Variants in FAT4 observed in about 807,000 individuals in gnomAD.
FAT4 encodes the protein protocadherin Fat 4.
FAT4 carries 84 observed loss-of-function variants against 303.9 expected under a neutral mutation model. The observed-to-expected ratio is 0.28, with a 90% CI of 0.23 to 0.33. The LOEUF (loss-of-function observed/expected upper bound fraction) is 0.33. Among genes scored for constraint, FAT4 ranks in the 10% least tolerant of loss-of-function variants. The pLI, the probability that FAT4 is intolerant of heterozygous loss-of-function variation, is 1.00. For missense variants in FAT4, 6,005 were observed against 6,146.8 expected (o/e 0.98, Z 0.77); for synonymous variants, 2,307 against 2,298.8 (o/e 1.00, Z -0.10).
chr4:125,357,382 C>A (rs1732473784), intron 2 of FAT4, among the ~76,000 whole-genome samples: 2 of 151,846 alleles, frequency 1.3e-5, no homozygotes, highest in African/African-American at 4.8e-5. Context: ...TCTTGTAGAG[C>A]AAAAAGACCT....
At chr4:125,393,561 G>T (rs1442077606) in intron 2 of FAT4, among the ~76,000 whole-genome samples, 1 of 152,068 alleles carries the variant, frequency 6.6e-6, no homozygotes, top group Non-Finnish European at 1.5e-5. Flanking sequence ...CATTCTTGAT[G>T]TAGAGCAAAA....
intron 2 of FAT4, chr4:125,394,003 T>C (rs760411441): frequency 3.1e-5 from 24 of 779,994 alleles, no homozygotes; most frequent in Admixed American, 5.1e-5. Context: ...GAAGTGTTTA[T>C]TGTAAGTCAA....
intron 7 of FAT4, among the ~76,000 whole-genome samples, chr4:125,422,749 A>T (rs112239700): frequency 1.1e-4 from 17 of 152,298 alleles, no homozygotes; most frequent in African/African-American, 3.8e-4. Context: ...AAAAATACCA[A>T]AGTGACTTTG....
intron 7 of FAT4, among the ~76,000 whole-genome samples, chr4:125,426,891 A>G (rs1725105375): frequency 6.6e-6 from 1 of 151,998 alleles, no homozygotes; most frequent in Non-Finnish European, 1.5e-5. Flanking sequence ...CAAAACCAAC[A>G]TGATTTCATT....
In FAT4 at chr4:125,491,815, C is replaced by A; in HGVS notation, c.*47C>A. 3 of 1,506,102 alleles carry A rather than the reference C, an allele frequency of 2.0e-6. No homozygotes were observed. Among genetic ancestry groups the A allele is most frequent in the South Asian group, 2.7e-5 (2 of 73,298 alleles). 93.3% of individuals were successfully genotyped at this position (1,506,102 alleles called of 1,614,324 possible). A position where few individuals can be genotyped will look rare whatever the true frequency, so the allele number is the denominator to read the frequency against. On this transcript the variant is annotated 3_prime_UTR_variant, in exon 18 of 18. Transcript: ENST00000394329. ...AAATATAAAAACAAGAAATAATACTCAAACCATTGTAAAGTTGCTGACTAG... is the reference window on the plus strand; with the variant it reads ...AAATATAAAAACAAGAAATAATACTAAAACCATTGTAAAGTTGCTGACTAG...
chr4:125,445,676 G>C (rs1725801237), intron 8 of FAT4, among the ~76,000 whole-genome samples: 1 of 151,974 alleles, frequency 6.6e-6, no homozygotes, highest in Non-Finnish European at 1.5e-5. Context: ...AACCTATCTG[G>C]TTAGCATCAA....
rs193198480 is a variant in FAT4, at chr4:125,432,945, C to G, written c.7019-1300C>G. Among the ~76,000 whole-genome samples, 500 of 152,194 alleles carry G rather than the reference C, an allele frequency of 3.3e-3. 3 individuals are homozygous for G. The highest frequency in any genetic ancestry group is 0.012 in the African/African-American group (481 of 41,528). On this transcript the variant is annotated intron_variant, in intron 7 of 17. Coordinates refer to ENST00000394329, the MANE Select transcript of FAT4 (RefSeq NM_001291303.3). ...GGGTATACACATTCTTTCATCTAAC[C>G]TAGAATTCACAAAAATAACAGATCT...
chr4:125,437,637 GT>G (rs899613912), intron 8 of FAT4, among the ~76,000 whole-genome samples: 4 of 152,092 alleles, frequency 2.6e-5, no homozygotes, highest in Non-Finnish European at 4.4e-5. Flanking sequence ...CTTCTTCCAG[GT>G]TATGAGCTTC....
intron 16 of FAT4, among the ~76,000 whole-genome samples, chr4:125,485,403 A>G (rs879668233): frequency 7.2e-5 from 11 of 152,082 alleles, no homozygotes; most frequent in Admixed American, 5.9e-4. Flanking sequence ...TTCTATTTTA[A>G]AAGTTTTTTA....
chr4:125,473,495 T>G (rs1027562280), intron 12 of FAT4, among the ~76,000 whole-genome samples: 4 of 152,074 alleles, frequency 2.6e-5, no homozygotes, highest in Non-Finnish European at 5.9e-5. Context: ...ATGATTGATG[T>G]AACCAGAAAT....
At chr4:125,426,956 A>T (rs6534480) in intron 7 of FAT4, among the ~76,000 whole-genome samples, 150,930 of 151,980 alleles carry the variant, frequency 0.99, 74,949 homozygotes, top group Middle Eastern at 1. Context: ...TTTGAAACAA[A>T]CCTTTTTTAA....
chr4:125,407,220 TAATC>T (rs1734653334), intron 4 of FAT4, 79 bp downstream of exon 4: 1 of 1,285,782 alleles, frequency 7.8e-7, no homozygotes, highest in South Asian at 1.4e-5. Flanking sequence ...CGGCTGCTCT[TAATC>T]AATGATTAGT....
chr4:125,431,285 A>T (rs879628820), intron 7 of FAT4, among the ~76,000 whole-genome samples: 2 of 152,194 alleles, frequency 1.3e-5, no homozygotes, highest in African/African-American at 2.4e-5. Context: ...ATCTCACTGT[A>T]AGTCTTAAAA....
At chr4:125,379,228 G>A (rs554510917) in intron 2 of FAT4, among the ~76,000 whole-genome samples, 3 of 151,020 alleles carry the variant, frequency 2.0e-5, no homozygotes, top group Non-Finnish European at 2.9e-5. Flanking sequence ...AAATTAACAT[G>A]CGGAACAATC....
chr4:125,317,233 G>A lies in FAT4; in HGVS notation c.822G>A (p.Ala274=). ...GTTCCAGCGTCCTCCAGGTGGCGGC[G>A]GCGGACGCGGACGAGGGCACCAACG... is the stretch of plus-strand genomic sequence containing the variant. ...VVGSSVLQVA[A]ADADEGTNAD... The change falls in exon 2 of 18, where the codon GCG becomes GCA. Residue 274 remains alanine, a synonymous_variant. Coordinates refer to ENST00000394329, the MANE Select transcript of FAT4 (RefSeq NM_001291303.3). This position sits in a 1 kb window ranked among gnomAD's most constrained non-coding sequence, Gnocchi z 7.0. 1.3e-6 allele frequency: 2 copies of A among 1,579,956 alleles called. No individual in the cohort carries two copies. The highest frequency in any genetic ancestry group is 1.7e-6 in the Non-Finnish European group (2 of 1,160,426).
At chr4:125,489,537 T>C (rs2126095479) in intron 17 of FAT4, among the ~76,000 whole-genome samples, 1 of 152,308 alleles carries the variant, frequency 6.6e-6, no homozygotes, top group African/African-American at 2.4e-5. Flanking sequence ...AATATATATT[T>C]TATTTGTATG....
chr4:125,465,857 T>G (rs1431004195), intron 11 of FAT4, among the ~76,000 whole-genome samples: 1 of 152,070 alleles, frequency 6.6e-6, no homozygotes, highest in Admixed American at 6.6e-5. Flanking sequence ...CAAAAATCAC[T>G]GAAACACTGC....
chr4:125,476,144 T>C, intron 12 of FAT4, 27 bp from the exon 13 acceptor site: 1 of 1,478,662 alleles, frequency 6.8e-7, no homozygotes, highest in Non-Finnish European at 9.4e-7. Flanking sequence ...AACTCAAAGT[T>C]GAATGTTTCT....
intron 5 of FAT4, among the ~76,000 whole-genome samples, chr4:125,411,322 C>T (rs989656351): frequency 1.4e-4 from 21 of 152,040 alleles, no homozygotes; most frequent in African/African-American, 4.1e-4. Context: ...ACTAAGCATG[C>T]GGTATTACAT....
Sources: gnomAD v4.1 joint callset for allele counts (sites outside exome capture counted in the v4.1 genomes callset) on GRCh38, gnomAD v4.1.1 for gene constraint, Gnocchi (gnomAD v3.1) non-coding constraint, MANE v1.5 for transcripts, NCBI Gene and HGNC (gene_info 2026-07-23, HGNC 2026-07-21) for gene names.